The following NLRP14 variants were observed in gnomAD, a reference collection of about 807,000 sequenced individuals.
The protein encoded by NLRP14 is NLR family pyrin domain containing 14.
A neutral mutation model predicts 94.7 loss-of-function variants in NLRP14; 105 were observed. The observed-to-expected ratio is 1.11, with a 90% confidence interval of 0.95 to 1.30. The LOEUF is 1.30. Ranked by LOEUF, NLRP14 falls within the 50% of genes most tolerant of loss-of-function variation. The probability of loss-of-function intolerance (pLI) is 0.00; values close to 1 mark genes in which losing one functional copy is unlikely to be tolerated. For missense variants in NLRP14, 1,362 were observed against 1,254.1 expected, an observed-to-expected ratio of 1.09 and a Z score of -1.30; for synonymous variants, 508 against 459.9, an observed-to-expected ratio of 1.10 and a Z score of -1.34.
At chr11:7,089,035 C>G in the NLRP14 span, 1 of 1,477,000 alleles carries the variant, frequency 6.8e-7, no homozygotes, top group East Asian at 2.4e-5. Context: ...CAGTAGGAGC[C>G]GCCCTCGACG....
At chr11:7,066,395 A>G (rs1253923932) in intron 10 of NLRP14, among the ~76,000 whole-genome samples, 2 of 152,066 alleles carry the variant, frequency 1.3e-5, no homozygotes, top group Non-Finnish European at 2.9e-5. Flanking sequence ...TTTAATGATC[A>G]CCATTCTAAC....
At chr11:7,079,906 G>A in the NLRP14 span, among the ~76,000 whole-genome samples, 1 of 152,210 alleles carries the variant, frequency 6.6e-6, no homozygotes, top group Non-Finnish European at 1.5e-5. Context: ...TACACTGGCG[G>A]GAAGGCAGGA....
At chr11:7,056,336 C>G (rs1565022759) in intron 6 of NLRP14, among the ~76,000 whole-genome samples, 1 of 151,634 alleles carries the variant, frequency 6.6e-6, no homozygotes, top group African/African-American at 2.4e-5. Context: ...GTCCAGGTAT[C>G]TTATAAGATT....
At chr11:7,089,934 G>T in the NLRP14 span, 1 of 1,612,950 alleles carries the variant, frequency 6.2e-7, no homozygotes, top group Non-Finnish European at 8.5e-7. Flanking sequence ...TGACTACGGG[G>T]ATCATCTGAG....
rs371144557 is a variant in NLRP14 at position 7,049,698 on chromosome 11, T to C, written c.2151T>C (p.Gly717=). Residue 717 remains glycine, a synonymous_variant, in exon 6 of 12, where the codon GGT becomes GGC. Transcript: ENST00000299481. ...LLLKFITFPD[G]CQDISTSLIH... is the part of the protein sequence containing the mutation. Reference sequence around the variant, plus strand: ...TGAAATTTATCACTTTCCCTGATGGTTGTCAGGATATCTCTACTTCTTTGA... The same window carrying C: ...TGAAATTTATCACTTTCCCTGATGGCTGTCAGGATATCTCTACTTCTTTGA... The C allele has an allele frequency of 1.2e-6, 2 of 1,612,810 alleles. No individual in the cohort carries two copies. Among genetic ancestry groups the C allele is most frequent in the African/African-American group, 2.7e-5 (2 of 74,930 alleles).
intron 6 of NLRP14, among the ~76,000 whole-genome samples, chr11:7,053,508 A>G (rs1589867087): frequency 6.7e-6 from 1 of 150,268 alleles, no homozygotes; most frequent in East Asian, 1.9e-4. Context: ...AGTGTAAGTA[A>G]TATGTCTACA....
chr11:7,045,109 T>A (rs1852329054), intron 4 of NLRP14, among the ~76,000 whole-genome samples: 1 of 152,236 alleles, frequency 6.6e-6, no homozygotes, highest in African/African-American at 2.4e-5. Flanking sequence ...TATATACAAT[T>A]GCAGAATCAC....
Position 7,048,933 on chromosome 11 carries a change from T to C in NLRP14, c.2124-738T>C, listed in dbSNP as rs1480175046. On this transcript the variant is annotated intron_variant, in intron 5 of 11. Coordinates refer to ENST00000299481, the MANE Select transcript of NLRP14 (RefSeq NM_176822.4). The stretch of plus-strand genomic sequence containing the variant: ...TGTTTACTGAGTGCCTTAGGCACTT[T>C]TACTAGATGAGGATGGTTAGTGCTA... Among the ~76,000 whole-genome samples, 4 of 152,168 alleles carry C rather than the reference T, an allele frequency of 2.6e-5. No individual in the cohort carries two copies. In the East Asian group the frequency reaches 7.7e-4, roughly 29 times the overall value.
chr11:7,029,284 C>T (rs185679382), intron 1 of NLRP14, among the ~76,000 whole-genome samples: 81 of 152,302 alleles, frequency 5.3e-4, no homozygotes, highest in Admixed American at 2.4e-3. Context: ...TTTTGCAACA[C>T]AGAGATGTCA....
intron 3 of NLRP14, 117 bp downstream of exon 3, chr11:7,039,902 C>A: frequency 1.2e-6 from 1 of 829,182 alleles, no homozygotes; most frequent in Non-Finnish European, 2.1e-6. Context: ...AATACCCCAC[C>A]TGTTCCCTGA....
At position 7,058,158 on chromosome 11, in the gene NLRP14, G is replaced by T. The variant is rs548155012; in HGVS notation, c.2463-122G>T. ...TGGAATTCGTAATTTAAATAGGTTT[G>T]TTGAGGTTAATTTTATAGTTGAGGT... On this transcript the variant is annotated intron_variant, in intron 7 of 11. Coordinates refer to ENST00000299481, the MANE Select transcript of NLRP14 (RefSeq NM_176822.4). 26 of 817,110 alleles carry T rather than the reference G, an allele frequency of 3.2e-5. No homozygotes were observed. In the African/African-American group the frequency reaches 3.9e-4, roughly 12 times the overall value. 50.6% of individuals were successfully genotyped at this position (817,110 alleles called of 1,614,324 possible).
At chr11:7,056,276 T>C (rs1349157468) in intron 6 of NLRP14, among the ~76,000 whole-genome samples, 3 of 151,720 alleles carry the variant, frequency 2.0e-5, no homozygotes, top group African/African-American at 7.3e-5. Context: ...AAGTACAGAC[T>C]TAATAGTAGG....
At position 7,049,803 on chromosome 11, in the gene NLRP14, C is replaced by T; in HGVS notation, c.2256C>T (p.Ala752=). ...GDNGVKSLCE[A]LKHPECKLQT... is the part of the protein sequence containing the mutation. ...ATGGAGTAAAGTCATTGTGTGAGGC[C>T]TTGAAACACCCAGAGTGTAAACTAC... Residue 752 remains alanine (A), a synonymous_variant, in exon 6 of 12, where the codon GCC becomes GCT. Coordinates refer to ENST00000299481, the MANE Select transcript of NLRP14 (RefSeq NM_176822.4). 3 of 1,612,480 alleles carry T rather than the reference C, an allele frequency of 1.9e-6. No individual in the cohort carries two copies. Among genetic ancestry groups the T allele is most frequent in the Non-Finnish European group, 1.7e-6 (2 of 1,178,592 alleles).
rs1032251857 is a variant in NLRP14, at chr11:7,062,899, G to T, written c.2975+396G>T. Among the ~76,000 whole-genome samples, 4 of 152,158 alleles carry T rather than the reference G, an allele frequency of 2.6e-5. No individual in the cohort carries two copies. In the Middle Eastern group the frequency reaches 0.01, roughly 388 times the overall value. On this transcript the variant is annotated intron_variant, in intron 10 of 11. Transcript: ENST00000299481. Reference sequence around the variant, plus strand: ...GGAGCTTGTAATAAAATCACATTCTGTGTTGTGGACATTTCTTACGTTCAA... The same window carrying T: ...GGAGCTTGTAATAAAATCACATTCTTTGTTGTGGACATTTCTTACGTTCAA...
At chr11:7,071,026 C>A in intron 11 of NLRP14, 147 bp from the exon 12 acceptor site, 1 of 809,854 alleles carries the variant, frequency 1.2e-6, no homozygotes, top group Non-Finnish European at 2.0e-6. Flanking sequence ...TCTCAGTTCG[C>A]TTCCCCACTC....
chr11:7,069,113 T>C (rs1488505605), intron 10 of NLRP14, among the ~76,000 whole-genome samples: 3 of 152,254 alleles, frequency 2.0e-5, no homozygotes, highest in Non-Finnish European at 2.9e-5. Context: ...CTGTCTTCTA[T>C]ATTTTGAGAC....
chr11:7,068,694 T>G lies in NLRP14; in HGVS notation c.2976-1592T>G, dbSNP rs114049514. 4.7e-3 allele frequency among the ~76,000 whole-genome samples: 711 copies of G among 152,320 alleles called. 7 individuals carry two copies. Among genetic ancestry groups the G allele is most frequent in the African/African-American group, 0.016 (667 of 41,576 alleles). On this transcript the variant is annotated intron_variant, in intron 10 of 11. Transcript: ENST00000299481. ...TTTCTAAGTACGGGGTCTTTTTCTT[T>G]CACCCAGGCTGGAGTGCAGTGATGT...
chr11:7,022,131 C>T (rs1388529), intron 1 of NLRP14, among the ~76,000 whole-genome samples: 88,483 of 151,914 alleles, frequency 0.58, 26,696 homozygotes, highest in East Asian at 0.73. Context: ...CAGGGGTGCC[C>T]GGCCTAGAGC....
chr11:7,055,351 G>A (rs904505397), intron 6 of NLRP14, among the ~76,000 whole-genome samples: 18 of 151,804 alleles, frequency 1.2e-4, no homozygotes, highest in African/African-American at 1.7e-4. Flanking sequence ...ATATAGCTTC[G>A]GCAACAACTC....
Sources: gnomAD v4.1 joint callset for allele counts (sites outside exome capture counted in the v4.1 genomes callset) on GRCh38, gnomAD v4.1.1 for gene constraint, MANE v1.5 for transcripts, NCBI Gene and HGNC (gene_info 2026-07-23, HGNC 2026-07-21) for gene names.